SMIM35: variants seen among roughly 807,000 people sequenced by gnomAD.
SMIM35 encodes the protein TMPRSS4 antisense RNA 1 (non-protein coding).
chr11:118,082,418 G>A (rs1483527450), intron 1 of SMIM35, among the ~76,000 whole-genome samples: 1 of 152,034 alleles, frequency 6.6e-6, no homozygotes, highest in East Asian at 1.9e-4. Context: ...AACATTAGCC[G>A]AGCGCAGTAG....
rs950922948 is a variant in SMIM35 at position 118,005,095 on chromosome 11, C to G, written c.*1315G>C. 1 of 152,210 alleles carries G rather than the reference C, an allele frequency of 6.6e-6. No homozygotes were observed. Among genetic ancestry groups the G allele is most frequent in the Non-Finnish European group, 1.5e-5 (1 of 68,058 alleles). 9.4% of individuals were successfully genotyped at this position (152,210 alleles called of 1,614,324 possible). On this transcript the variant is annotated 3_prime_UTR_variant, in exon 5 of 5. Transcript: ENST00000689828. Reference sequence around the variant, plus strand: ...GGTCACCCCAGCCCTGGAAGTGACCCTTGCCCTCCACCTCCCCACATCCCC... The same window carrying G: ...GGTCACCCCAGCCCTGGAAGTGACCGTTGCCCTCCACCTCCCCACATCCCC...
chr11:118,064,077 T>C (rs1456390428), intron 1 of SMIM35, among the ~76,000 whole-genome samples: 1 of 152,190 alleles, frequency 6.6e-6, no homozygotes, highest in Non-Finnish European at 1.5e-5. Context: ...TAGGATCTGT[T>C]GCTATCTGGT....
rs183599165 is a variant in SMIM35 at position 118,085,384 on chromosome 11, C to A, written c.7+1367G>T. 8.0e-4 allele frequency among the ~76,000 whole-genome samples: 121 copies of A among 152,090 alleles called. 1 individual carries two copies. The highest frequency in any genetic ancestry group is 3.4e-3 in the Middle Eastern group (1 of 294). On this transcript the variant is annotated intron_variant, in intron 1 of 4. Transcript: ENST00000689828. ...GATTACAGGCACCTGCCACCACGCCCAGCTAATTTTTTGTATTTTTAGTAG... is the reference window on the plus strand; with the variant it reads ...GATTACAGGCACCTGCCACCACGCCAAGCTAATTTTTTGTATTTTTAGTAG...
At position 118,025,564 on chromosome 11, in the gene SMIM35, G is replaced by A. The variant is rs151240189; in HGVS notation, c.8-9755C>T. Reference sequence around the variant, plus strand: ...TTAGTGATGTTGAGAGCATTTTTTCGTGTTTGTTGGCCACTTGTATGTCTT... The same window carrying A: ...TTAGTGATGTTGAGAGCATTTTTTCATGTTTGTTGGCCACTTGTATGTCTT... On this transcript the variant is annotated intron_variant, in intron 1 of 4. Transcript: ENST00000689828. 67 of 454,482 alleles carry A rather than the reference G, an allele frequency of 1.5e-4. 1 individual carries two copies. Among genetic ancestry groups the A allele is most frequent in the East Asian group, 7.0e-4 (10 of 14,344 alleles). 28.2% of individuals were successfully genotyped at this position (454,482 alleles called of 1,614,324 possible).
At chr11:118,045,495 G>A (rs1254152107) in intron 1 of SMIM35, among the ~76,000 whole-genome samples, 1 of 152,060 alleles carries the variant, frequency 6.6e-6, no homozygotes, top group Non-Finnish European at 1.5e-5. Context: ...AGTAAAAAGA[G>A]CCTTTCAAGT....
intron 4 of SMIM35, among the ~76,000 whole-genome samples, chr11:118,007,176 C>A (rs1174025591): frequency 6.9e-6 from 1 of 145,278 alleles, no homozygotes; most frequent in Non-Finnish European, 1.5e-5. Context: ...TTCTTGGGGG[C>A]CAAAGATGTC....
intron 1 of SMIM35, among the ~76,000 whole-genome samples, chr11:118,053,332 AC>A (rs1944251792): frequency 1.3e-5 from 2 of 150,188 alleles, no homozygotes; most frequent in South Asian, 4.2e-4. Flanking sequence ...ACACACACAC[AC>A]ACACACACAC....
intron 1 of SMIM35, among the ~76,000 whole-genome samples, chr11:118,047,709 C>A (rs988356170): frequency 6.6e-6 from 1 of 152,232 alleles, no homozygotes. Flanking sequence ...TAAGTTATTT[C>A]AGCAGCCAAA....
At chr11:118,031,117 C>T (rs533946604) in intron 1 of SMIM35, among the ~76,000 whole-genome samples, 1 of 152,156 alleles carries the variant, frequency 6.6e-6, no homozygotes, top group East Asian at 1.9e-4. Flanking sequence ...GTTACAAATA[C>T]AAAAAGAGAG....
intron 1 of SMIM35, among the ~76,000 whole-genome samples, chr11:118,075,409 C>G (rs773669122): frequency 6.6e-6 from 1 of 152,214 alleles, no homozygotes; most frequent in Non-Finnish European, 1.5e-5. Flanking sequence ...TACACAGATC[C>G]GGTATTCCTC....
chr11:118,040,924 A>G (rs143045409), intron 1 of SMIM35, among the ~76,000 whole-genome samples: 23 of 151,824 alleles, frequency 1.5e-4, no homozygotes, highest in African/African-American at 5.5e-4. Context: ...AATAGATGTG[A>G]CATATGTATA....
At chr11:118,077,390 A>C in intron 1 of SMIM35, 1 of 1,455,972 alleles carries the variant, frequency 6.9e-7, no homozygotes, top group South Asian at 1.4e-5. Flanking sequence ...AGCATCCATC[A>C]GCTGAGAATT....
At chr11:118,045,248 C>T (rs904391562) in intron 1 of SMIM35, among the ~76,000 whole-genome samples, 2 of 151,972 alleles carry the variant, frequency 1.3e-5, no homozygotes, top group African/African-American at 4.8e-5. Context: ...TCATCTGTTG[C>T]TCATCAATTC....
At chr11:118,057,498 G>A (rs1565394428) in intron 1 of SMIM35, among the ~76,000 whole-genome samples, 1 of 152,098 alleles carries the variant, frequency 6.6e-6, no homozygotes, top group Non-Finnish European at 1.5e-5. Context: ...GCTGGGGGTG[G>A]GAGACTCCGC....
intron 4 of SMIM35, among the ~76,000 whole-genome samples, chr11:118,008,174 C>A (rs966626642): frequency 2.0e-5 from 3 of 152,134 alleles, no homozygotes; most frequent in Non-Finnish European, 2.9e-5. Context: ...CCGGCCACAC[C>A]TGTTGTTTTG....
intron 1 of SMIM35, among the ~76,000 whole-genome samples, chr11:118,086,022 G>A (rs1945529427): frequency 6.6e-6 from 1 of 152,236 alleles, no homozygotes; most frequent in African/African-American, 2.4e-5. Flanking sequence ...TCACCTGGAA[G>A]CAGGGCCCTC....
chr11:118,076,952 A>G, intron 1 of SMIM35: 1 of 269,456 alleles, frequency 3.7e-6, no homozygotes, highest in East Asian at 7.0e-5. Flanking sequence ...CGAAGGTCCC[A>G]TGAATGACTT....
rs141652564 is a variant in SMIM35 at position 118,056,334 on chromosome 11, G to A, written c.7+30417C>T. Among the ~76,000 whole-genome samples, 982 of 152,276 alleles carry A rather than the reference G, an allele frequency of 6.4e-3. 7 individuals carry two copies. The highest frequency in any genetic ancestry group is 0.023 in the African/African-American group (946 of 41,534). ...GAGAGGTGGATAGGACATCAGGAAG[G>A]GAGGGTCAGCAGAACTGGGGATCAA... On this transcript the variant is annotated intron_variant, in intron 1 of 4. Coordinates refer to ENST00000689828, the MANE Select transcript of SMIM35 (RefSeq NM_001394165.1).
intron 1 of SMIM35, among the ~76,000 whole-genome samples, chr11:118,017,835 G>A (rs1458624285): frequency 6.6e-6 from 1 of 152,204 alleles, no homozygotes; most frequent in Non-Finnish European, 1.5e-5. Flanking sequence ...AAGGAGAAGA[G>A]TGCCAAGCAA....
Sources: allele counts gnomAD v4.1 joint callset (sites outside exome capture counted in the v4.1 genomes callset), GRCh38; gene constraint gnomAD v4.1.1; transcripts MANE v1.5; gene names NCBI Gene and HGNC (gene_info 2026-07-23, HGNC 2026-07-21).